Variants in ARHGAP31 observed in about 807,000 individuals in gnomAD.
ARHGAP31 encodes rho GTPase-activating protein 31.
In ARHGAP31, 34 loss-of-function variants were observed where a neutral mutation model predicts 113.9. The observed-to-expected ratio is 0.30, with a 90% CI of 0.23 to 0.40. The LOEUF is 0.40. ARHGAP31 is among the 10% of genes least tolerant of loss of function. The pLI is 1.00. For synonymous variants in ARHGAP31, 650 were observed against 684.8 expected, an observed-to-expected ratio of 0.95 and a Z score of 0.79; for missense variants, 1,548 against 1,767.1, an observed-to-expected ratio of 0.88 and a Z score of 2.22.
At chr3:119,295,123 T>A in intron 1 of ARHGAP31, 119 bp downstream of exon 1, 4 of 864,916 alleles carry the variant, frequency 4.6e-6, no homozygotes, top group Non-Finnish European at 7.4e-6. Context: ...GCCTGTGCGC[T>A]CATTGCACTT....
intron 9 of ARHGAP31, 24 bp downstream of exon 9, chr3:119,399,285 G>C: frequency 6.3e-7 from 1 of 1,594,164 alleles, no homozygotes; most frequent in East Asian, 2.2e-5. Context: ...AGTAGTTTCT[G>C]AGTTGGAGAT....
chr3:119,393,711 TA>T, intron 8 of ARHGAP31, 120 bp downstream of exon 8: 2 of 1,407,340 alleles, frequency 1.4e-6, no homozygotes, highest in Non-Finnish European at 9.8e-7. Context: ...ATAAATTAAC[TA>T]GGGGAAGAGG....
chr3:119,393,739 A>C (rs2080523940), intron 8 of ARHGAP31, 148 bp downstream of exon 8: 1 of 1,190,784 alleles, frequency 8.4e-7, no homozygotes, highest in African/African-American at 1.5e-5. Context: ...TTTTCAAAAC[A>C]TTTTAGACTT....
chr3:119,334,348 T>A (rs556935529), intron 1 of ARHGAP31, among the ~76,000 whole-genome samples: 1 of 152,330 alleles, frequency 6.6e-6, no homozygotes, highest in East Asian at 1.9e-4. Context: ...CCCTTATCCC[T>A]GAAGCCTCTC....
chr3:119,384,408 G>C (rs1400935688), intron 6 of ARHGAP31, among the ~76,000 whole-genome samples: 1 of 152,128 alleles, frequency 6.6e-6, no homozygotes, highest in East Asian at 1.9e-4. Flanking sequence ...GTCTTAGTCC[G>C]TTTTGTTCTG....
rs1430295310 is a variant in ARHGAP31 at position 119,401,797 on chromosome 3, C to T, written c.1070-25C>T. On this transcript the variant is annotated intron_variant, in intron 9 of 11. Transcript: ENST00000264245. ...ATTGTATGTGTGCCCCGGCTGCTGA[C>T]CATACACTTGTTCCTTTTTACTAGG... is the stretch of plus-strand genomic sequence containing the variant. 1.9e-6 allele frequency: 3 copies of T among 1,610,680 alleles called. No individual in the cohort carries two copies. The South Asian group carries it at 3.3e-5, about 18-fold the overall frequency.
chr3:119,368,262 A>G (rs1476006408), intron 2 of ARHGAP31, 110 bp from the exon 3 acceptor site: 28 of 1,391,248 alleles, frequency 2.0e-5, no homozygotes, highest in Non-Finnish European at 2.8e-5. Context: ...GGTCAAAAAT[A>G]TAGTCAGAAT....
At chr3:119,383,557 A>G (rs1368875970) in intron 6 of ARHGAP31, among the ~76,000 whole-genome samples, 1 of 152,178 alleles carries the variant, frequency 6.6e-6, no homozygotes. Flanking sequence ...TTTCCAAAAG[A>G]GGTACTGCCA....
chr3:119,335,526 G>T (rs965452347), intron 1 of ARHGAP31, among the ~76,000 whole-genome samples: 18 of 152,154 alleles, frequency 1.2e-4, no homozygotes, highest in African/African-American at 4.1e-4. Flanking sequence ...CGTTCTCCTT[G>T]GTGAAACCAG....
At chr3:119,325,105 C>T (rs2079829953) in intron 1 of ARHGAP31, 1 of 367,810 alleles carries the variant, frequency 2.7e-6, no homozygotes, top group Non-Finnish European at 5.5e-6. Context: ...GTCACAGAAT[C>T]ACTGCCTTCT....
chr3:119,361,700 A>G (rs1408026411), intron 1 of ARHGAP31, among the ~76,000 whole-genome samples: 1 of 152,248 alleles, frequency 6.6e-6, no homozygotes, highest in Non-Finnish European at 1.5e-5. Flanking sequence ...ACTTTCGAGT[A>G]CATCAGAATC....
At position 119,402,183 on chromosome 3, in the gene ARHGAP31, G is replaced by A; in HGVS notation, c.1431G>A (p.Pro477=). 2 of 1,614,258 alleles carry A rather than the reference G, an allele frequency of 1.2e-6. No individual in the cohort carries two copies. The highest frequency in any genetic ancestry group is 1.7e-6 in the Non-Finnish European group (2 of 1,180,054). ...GCCTCTTCCAGATGGAGCCCTCGCC[G>A]CGTAACCAGCGCAAGGCGCTGAACA... ...TSSLFQMEPS[P]RNQRKALNIS... Residue 477 remains proline (P), a synonymous_variant, in exon 10 of 12, where the codon CCG becomes CCA. Coordinates refer to ENST00000264245, the MANE Select transcript of ARHGAP31 (RefSeq NM_020754.4).
intron 3 of ARHGAP31, among the ~76,000 whole-genome samples, chr3:119,370,111 C>A (rs539504398): frequency 2.6e-5 from 4 of 152,254 alleles, no homozygotes; most frequent in African/African-American, 9.6e-5. Context: ...GGTAAAGAAG[C>A]CTCCTATCTG....
At chr3:119,373,739 C>T (rs1219727352) in intron 3 of ARHGAP31, among the ~76,000 whole-genome samples, 3 of 152,242 alleles carry the variant, frequency 2.0e-5, no homozygotes, top group African/African-American at 4.8e-5. Context: ...GCTGGGATTA[C>T]AGGCGTGAGC....
At chr3:119,359,108 C>G (rs933216050) in intron 1 of ARHGAP31, among the ~76,000 whole-genome samples, 1 of 151,316 alleles carries the variant, frequency 6.6e-6, no homozygotes, top group African/African-American at 2.4e-5. Flanking sequence ...ACCTCTGATT[C>G]CCAGGTTCAA....
rs567242411 is a variant in ARHGAP31 at position 119,312,233 on chromosome 3, A to G, written c.100+17229A>G. Among the ~76,000 whole-genome samples, 3 of 152,356 alleles carry G rather than the reference A, an allele frequency of 2.0e-5. No homozygotes were observed. The East Asian group carries it at 5.8e-4, about 29-fold the overall frequency. On this transcript the variant is annotated intron_variant, in intron 1 of 11. Transcript: ENST00000264245. ...GAAAAAATTGGACCCCCATCAGGGA[A>G]TAAACTTTTTTCAGGTGGAGAGAAA...
chr3:119,344,742 C>T (rs1284909965), intron 1 of ARHGAP31, among the ~76,000 whole-genome samples: 1 of 151,236 alleles, frequency 6.6e-6, no homozygotes, highest in East Asian at 2.0e-4. Context: ...GGTGATCCTC[C>T]CACCTCAGCC....
intron 1 of ARHGAP31, among the ~76,000 whole-genome samples, chr3:119,318,201 T>C (rs938852596): frequency 1.3e-5 from 2 of 152,072 alleles, no homozygotes; most frequent in Non-Finnish European, 2.9e-5. Flanking sequence ...ACCCAGGAAG[T>C]CGAGGCTGCA....
chr3:119,332,356 T>C (rs1210377141), intron 1 of ARHGAP31, among the ~76,000 whole-genome samples: 1 of 151,954 alleles, frequency 6.6e-6, no homozygotes, highest in Non-Finnish European at 1.5e-5. Flanking sequence ...CCCGACACCA[T>C]GCCTGGCTAA....
Sources: gnomAD v4.1 joint callset for allele counts (sites outside exome capture counted in the v4.1 genomes callset) on GRCh38, gnomAD v4.1.1 for gene constraint, MANE v1.5 for transcripts, NCBI Gene and HGNC (gene_info 2026-07-23, HGNC 2026-07-21) for gene names.